CABLES1: variants seen among roughly 807,000 people sequenced by gnomAD.
CABLES1 encodes the protein CDK5 and ABL1 enzyme substrate 1.
Under a neutral mutation model 57.8 loss-of-function variants are expected in CABLES1, and 36 were observed. The observed-to-expected ratio is 0.62, with a 90% CI of 0.48 to 0.82. CABLES1 has a LOEUF of 0.82. CABLES1 is among the 40% of genes least tolerant of loss of function. The probability of loss-of-function intolerance (pLI) is 0.00; values close to 1 mark genes in which losing one functional copy is unlikely to be tolerated. For missense variants in CABLES1, 767 were observed against 836.6 expected, an observed-to-expected ratio of 0.92 and a Z score of 1.03; for synonymous variants, 374 against 363.0, an observed-to-expected ratio of 1.03 and a Z score of -0.35.
Position 23,253,721 on chromosome 18 carries a change from T to G in CABLES1, c.1554-8T>G. ...CAAGACTGTTCCCTCTTGCCTGTCT[T>G]TCTCCAGTCTGAAACGAGAGATGCG... On this transcript the variant is annotated splice_region_variant and splice_polypyrimidine_tract_variant and intron_variant, in intron 8 of 9. Coordinates refer to ENST00000256925, the MANE Select transcript of CABLES1 (RefSeq NM_001100619.3). 1.2e-6 allele frequency: 2 copies of G among 1,613,368 alleles called. No individual in the cohort carries two copies. Among genetic ancestry groups the G allele is most frequent in the East Asian group, 4.5e-5 (2 of 44,880 alleles).
intron 4 of CABLES1, among the ~76,000 whole-genome samples, chr18:23,226,824 A>AG (rs1240679094): frequency 1.3e-5 from 2 of 152,218 alleles, no homozygotes; most frequent in East Asian, 3.8e-4. Flanking sequence ...AGAAGAAAGT[A>AG]GGAGAGAACC....
At chr18:23,244,524 G>C (rs146856200) in intron 7 of CABLES1, among the ~76,000 whole-genome samples, 2 of 152,364 alleles carry the variant, frequency 1.3e-5, no homozygotes, top group East Asian at 3.9e-4. Flanking sequence ...GCCTAGAACA[G>C]CTGAAATGCC....
At chr18:23,248,404 G>C (rs559673539) in intron 7 of CABLES1, among the ~76,000 whole-genome samples, 2 of 152,060 alleles carry the variant, frequency 1.3e-5, no homozygotes, top group African/African-American at 4.8e-5. Context: ...AAGAGGAGCC[G>C]GTGCAGGGGC....
chr18:23,194,373 C>G, intron 2 of CABLES1, 75 bp from the exon 3 acceptor site: 1 of 902,686 alleles, frequency 1.1e-6, no homozygotes, highest in South Asian at 1.4e-5. Context: ...GTCCTTCCTT[C>G]CTGTCTTTAT....
At chr18:23,234,465 G>A in intron 4 of CABLES1, 143 bp from the exon 5 acceptor site, 1 of 651,736 alleles carries the variant, frequency 1.5e-6, no homozygotes, top group Non-Finnish European at 2.8e-6. Flanking sequence ...AGCGCCCGAA[G>A]AGGGACAACG....
chr18:23,160,948 G>A (rs1460546806), intron 1 of CABLES1, among the ~76,000 whole-genome samples: 1 of 152,114 alleles, frequency 6.6e-6, no homozygotes, highest in Non-Finnish European at 1.5e-5. Flanking sequence ...TACAAGAATC[G>A]CTTGAACCTA....
intron 7 of CABLES1, among the ~76,000 whole-genome samples, chr18:23,237,640 G>A (rs1204678203): frequency 6.6e-6 from 1 of 152,268 alleles, no homozygotes; most frequent in Non-Finnish European, 1.5e-5. Context: ...TGCATGCTGA[G>A]CAAACATTTG....
At chr18:23,194,582 G>A in intron 3 of CABLES1, 42 bp downstream of exon 3, 1 of 1,331,080 alleles carries the variant, frequency 7.5e-7, no homozygotes, top group South Asian at 1.2e-5. Context: ...ACCAGTGGGT[G>A]GAGACAGGGA....
rs571328242 is a variant in CABLES1 at position 23,186,059 on chromosome 18, C to T, written c.846-2779C>T. Among the ~76,000 whole-genome samples the T allele has an allele frequency of 5.9e-5, 9 of 152,318 alleles. No individual in the cohort carries two copies. The South Asian group carries it at 1.7e-3, about 28-fold the overall frequency. ...CTCAGTGCACCCCACTGTGTACATG[C>T]ACAGAGTTAGTTGTGCTTTGAAGTG... On this transcript the variant is annotated intron_variant, in intron 1 of 9. Coordinates refer to ENST00000256925, the MANE Select transcript of CABLES1 (RefSeq NM_001100619.3).
At chr18:23,204,120 G>A (rs568021303) in intron 3 of CABLES1, among the ~76,000 whole-genome samples, 3 of 152,244 alleles carry the variant, frequency 2.0e-5, no homozygotes, top group East Asian at 1.9e-4. Context: ...TCTCACCATC[G>A]CATTTCCTTG....
At chr18:23,200,434 A>G (rs751774610) in intron 3 of CABLES1, among the ~76,000 whole-genome samples, 1 of 151,942 alleles carries the variant, frequency 6.6e-6, no homozygotes, top group Admixed American at 6.6e-5. Context: ...TAATTTTTTT[A>G]TACTTTTTTA....
At chr18:23,243,382 C>G (rs1374702317) in intron 7 of CABLES1, among the ~76,000 whole-genome samples, 9 of 150,618 alleles carry the variant, frequency 6.0e-5, no homozygotes, top group Admixed American at 5.3e-4. Flanking sequence ...ATCCTGCCAG[C>G]TTTAGGTTAA....
chr18:23,239,596 G>A (rs1223741148), intron 7 of CABLES1, among the ~76,000 whole-genome samples: 7 of 152,190 alleles, frequency 4.6e-5, no homozygotes, highest in Admixed American at 4.6e-4. Flanking sequence ...GGGTGGGGGC[G>A]CTGGGGTGTT....
rs143720908 is a variant in CABLES1 at position 23,229,480 on chromosome 18, A to C, written c.1089-5128A>C. Among the ~76,000 whole-genome samples, 16 of 152,348 alleles carry C rather than the reference A, an allele frequency of 1.1e-4. No homozygotes were observed. The East Asian group carries it at 2.9e-3, about 28-fold the overall frequency. ...GTCTGGGAAAAATCTGGCTCTTTCA[A>C]AGAAAGTGAAAACTTCAACTTCAGT... On this transcript the variant is annotated intron_variant, in intron 4 of 9. Coordinates refer to ENST00000256925, the MANE Select transcript of CABLES1 (RefSeq NM_001100619.3).
chr18:23,156,158 C>T (rs560173605), intron 1 of CABLES1, among the ~76,000 whole-genome samples: 2 of 151,932 alleles, frequency 1.3e-5, no homozygotes, highest in South Asian at 4.2e-4. Flanking sequence ...AGGGGGGGCT[C>T]CATGGAGGGT....
chr18:23,216,843 G>T (rs2047446041), intron 4 of CABLES1, among the ~76,000 whole-genome samples: 1 of 152,160 alleles, frequency 6.6e-6, no homozygotes, highest in Admixed American at 6.5e-5. Flanking sequence ...AACAGTGTCT[G>T]TTCATGCCTG....
In CABLES1 at chr18:23,203,457, TTA is replaced by T. The variant is rs34913271; in HGVS notation, c.1010+8918_1010+8919del. ...TTAAAGTATGAACCAATAGGATATG[TTA>T]AAAAAAAAAAAAAGAAAGAAACACG... On this transcript the variant is annotated intron_variant, in intron 3 of 9. Transcript: ENST00000256925. Among the ~76,000 whole-genome samples the T allele has an allele frequency of 8.8e-3, 1,259 of 143,296 alleles. 9 individuals carry two copies. The highest frequency in any genetic ancestry group is 0.026 in the African/African-American group (964 of 36,758). The allele number at this position is 143,296 out of a possible 152,430, so 94.0% of individuals were successfully genotyped here.
intron 4 of CABLES1, among the ~76,000 whole-genome samples, chr18:23,228,338 A>G (rs1224660686): frequency 1.3e-5 from 2 of 152,166 alleles, no homozygotes; most frequent in Non-Finnish European, 2.9e-5. Context: ...CCGTTTTATG[A>G]TTAATAATGA....
At chr18:23,245,156 A>G (rs1429510308) in intron 7 of CABLES1, among the ~76,000 whole-genome samples, 1 of 152,180 alleles carries the variant, frequency 6.6e-6, no homozygotes, top group Non-Finnish European at 1.5e-5. Flanking sequence ...GCCCAAGTTC[A>G]GTTCCATGGA....
Sources: allele counts gnomAD v4.1 joint callset (sites outside exome capture counted in the v4.1 genomes callset), GRCh38; gene constraint gnomAD v4.1.1; transcripts MANE v1.5; gene names NCBI Gene and HGNC (gene_info 2026-07-23, HGNC 2026-07-21).